The following LYNX1 variants were observed in gnomAD, a reference collection of about 807,000 sequenced individuals.
LYNX1 encodes Ly6/neurotoxin 1.
In LYNX1, 8 loss-of-function variants were observed where a neutral mutation model predicts 8.3. That is an observed-to-expected ratio of 0.97 (90% CI 0.57 to 1.74). LYNX1 has a LOEUF of 1.74. Among genes scored for constraint, LYNX1 ranks in the 40% most tolerant of loss-of-function variants. LYNX1 has a pLI of 0.00. For missense variants in LYNX1, 158 were observed against 159.7 expected (o/e 0.99, Z 0.06); for synonymous variants, 73 against 67.9 (o/e 1.08, Z -0.37).
rs1288919654 is a variant in LYNX1, at chr8:142,771,408, C to A, written c.*3759G>T. Reference sequence around the variant, plus strand: ...CCAGACCAGCATTCCCATTTCACCACCCCTTACTCCTCAAGATGCAAATGA... The same window carrying A: ...CCAGACCAGCATTCCCATTTCACCAACCCTTACTCCTCAAGATGCAAATGA... On this transcript the variant is annotated 3_prime_UTR_variant, in exon 4 of 4. Coordinates refer to ENST00000652477, the MANE Select transcript of LYNX1 (RefSeq NM_177477.4). 3.0e-6 allele frequency: 3 copies of A among 985,492 alleles called. No homozygotes were observed. Among genetic ancestry groups the A allele is most frequent in the Non-Finnish European group, 2.4e-6 (2 of 829,976 alleles). The allele number at this position is 985,492 out of a possible 1,614,324, so 61.0% of individuals were successfully genotyped here.
Position 142,774,486 on chromosome 8 carries a change from T to A in LYNX1, c.*681A>T. 6.1e-6 allele frequency: 6 copies of A among 985,312 alleles called. No individual in the cohort carries two copies. The highest frequency in any genetic ancestry group is 7.2e-6 in the Non-Finnish European group (6 of 830,018). 61.0% of individuals were successfully genotyped at this position (985,312 alleles called of 1,614,324 possible). A position where few individuals can be genotyped will look rare whatever the true frequency, so the allele number is the denominator to read the frequency against. ...TGAGGGGGTGGGAAACGTCAAGGGG[T>A]TTGACTGAGAGGACACACACCCCTT... On this transcript the variant is annotated 3_prime_UTR_variant, in exon 4 of 4. Transcript: ENST00000652477.
At position 142,775,023 on chromosome 8, in the gene LYNX1, G is replaced by A. The variant is rs972238686; in HGVS notation, c.*144C>T. 2.7e-5 allele frequency: 39 copies of A among 1,442,246 alleles called. No individual in the cohort carries two copies. The highest frequency in any genetic ancestry group is 2.9e-5 in the Non-Finnish European group (32 of 1,101,640). The allele number at this position is 1,442,246 out of a possible 1,614,324, so 89.3% of individuals were successfully genotyped here. ...TCGTGTGGTGGTTGGGGGAGGTCGGGTGTCTTCTTGCCCACAGTCCTGACC... is the reference window on the plus strand; with the variant it reads ...TCGTGTGGTGGTTGGGGGAGGTCGGATGTCTTCTTGCCCACAGTCCTGACC... On this transcript the variant is annotated 3_prime_UTR_variant, in exon 4 of 4. Coordinates refer to ENST00000652477, the MANE Select transcript of LYNX1 (RefSeq NM_177477.4).
rs1815400092 is a variant in LYNX1, at chr8:142,775,840, C to T, written c.52+66G>A. On this transcript the variant is annotated intron_variant, in intron 2 of 3. Coordinates refer to ENST00000652477, the MANE Select transcript of LYNX1 (RefSeq NM_177477.4). ...TGTCGCTGGGAATTCTAGCCTCCTT[C>T]CCTACTGTCAGCCCATCTGCCCTCA... 4 of 1,602,110 alleles carry T rather than the reference C, an allele frequency of 2.5e-6. No individual in the cohort carries two copies. In the South Asian group the frequency reaches 4.4e-5, roughly 18 times the overall value.
chr8:142,774,149 T>TCCCCA lies in LYNX1; in HGVS notation c.*1013_*1017dup. On this transcript the variant is annotated 3_prime_UTR_variant, in exon 4 of 4. Coordinates refer to ENST00000652477, the MANE Select transcript of LYNX1 (RefSeq NM_177477.4). ...CGGGGGAGGGGCTGGGTCTCCGCCC[T>TCCCCA]CCCCACCCCACCCTCCCCACTCCCG... 3 of 725,214 alleles carry TCCCCA rather than the reference T, an allele frequency of 4.1e-6. No individual in the cohort carries two copies. The highest frequency in any genetic ancestry group is 4.9e-6 in the Non-Finnish European group (3 of 608,418). The allele number at this position is 725,214 out of a possible 1,614,324, so 44.9% of individuals were successfully genotyped here.
At position 142,771,462 on chromosome 8, in the gene LYNX1, G is replaced by A. The variant is rs971761811; in HGVS notation, c.*3705C>T. ...TCAGGGCTGGGCGGAAGCTGGCAGGGCTGTCCACAGGGAGGACCCCCGTGT... is the reference window on the plus strand; with the variant it reads ...TCAGGGCTGGGCGGAAGCTGGCAGGACTGTCCACAGGGAGGACCCCCGTGT... On this transcript the variant is annotated 3_prime_UTR_variant, in exon 4 of 4. Transcript: ENST00000652477. 2 of 985,408 alleles carry A rather than the reference G, an allele frequency of 2.0e-6. No individual in the cohort carries two copies. Among genetic ancestry groups the A allele is most frequent in the Non-Finnish European group, 2.4e-6 (2 of 829,950 alleles). 61.0% of individuals were successfully genotyped at this position (985,408 alleles called of 1,614,324 possible). A position where few individuals can be genotyped will look rare whatever the true frequency, so the allele number is the denominator to read the frequency against.
chr8:142,773,835 AC>A lies in LYNX1; in HGVS notation c.*1331del. 1.0e-6 allele frequency: 1 copy of A among 985,316 alleles called. No individual in the cohort carries two copies. Among genetic ancestry groups the A allele is most frequent in the Non-Finnish European group, 1.2e-6 (1 of 829,894 alleles). The allele number at this position is 985,316 out of a possible 1,614,324, so 61.0% of individuals were successfully genotyped here. The stretch of plus-strand genomic sequence containing the variant: ...GATGGCTTGAAGGGTTTCTCAGGAC[AC>A]CAGAGCTGGGAGCACTGGTCAGGTG... On this transcript the variant is annotated 3_prime_UTR_variant, in exon 4 of 4. Transcript: ENST00000652477.
chr8:142,774,590 G>T lies in LYNX1; in HGVS notation c.*577C>A. On this transcript the variant is annotated 3_prime_UTR_variant, in exon 4 of 4. Transcript: ENST00000652477. ...AGAGCCGCCCCCTCCCCTGCAGGGG[G>T]TGGCTCCAACTCGGGCCTGGCAGAC... The T allele has an allele frequency of 1.0e-6, 1 of 985,948 alleles. No homozygotes were observed. The highest frequency in any genetic ancestry group is 1.2e-6 in the Non-Finnish European group (1 of 830,342). 61.1% of individuals were successfully genotyped at this position (985,948 alleles called of 1,614,324 possible). A position where few individuals can be genotyped will look rare whatever the true frequency, so the allele number is the denominator to read the frequency against.
At position 142,774,880 on chromosome 8, in the gene LYNX1, C is replaced by T; in HGVS notation, c.*287G>A. On this transcript the variant is annotated 3_prime_UTR_variant, in exon 4 of 4. Transcript: ENST00000652477. ...GCTCCCATCTGCTCAGTGCTCCCTGCCTGACTGGGCCCCTCCCCATAAATA... is the reference window on the plus strand; with the variant it reads ...GCTCCCATCTGCTCAGTGCTCCCTGTCTGACTGGGCCCCTCCCCATAAATA... 7.5e-7 allele frequency: 1 copy of T among 1,331,524 alleles called. No individual in the cohort carries two copies. The allele number at this position is 1,331,524 out of a possible 1,614,324, so 82.5% of individuals were successfully genotyped here. A position where few individuals can be genotyped will look rare whatever the true frequency, so the allele number is the denominator to read the frequency against.
Position 142,774,148 on chromosome 8 carries a change from C to CGA in LYNX1, c.*1018_*1019insTC. On this transcript the variant is annotated 3_prime_UTR_variant, in exon 4 of 4. Coordinates refer to ENST00000652477, the MANE Select transcript of LYNX1 (RefSeq NM_177477.4). ...GCGGGGGAGGGGCTGGGTCTCCGCC[C>CGA]TCCCCACCCCACCCTCCCCACTCCC... is the stretch of plus-strand genomic sequence containing the variant. The CGA allele has an allele frequency of 7.2e-6, 7 of 972,140 alleles. No homozygotes were observed. The highest frequency in any genetic ancestry group is 8.6e-6 in the Non-Finnish European group (7 of 818,710). The allele number at this position is 972,140 out of a possible 1,614,324, so 60.2% of individuals were successfully genotyped here. A position where few individuals can be genotyped will look rare whatever the true frequency, so the allele number is the denominator to read the frequency against.
In LYNX1 at chr8:142,775,045, G is replaced by C; in HGVS notation, c.*122C>G. On this transcript the variant is annotated 3_prime_UTR_variant, in exon 4 of 4. Transcript: ENST00000652477. ...CGGGTGTCTTCTTGCCCACAGTCCT[G>C]ACCCTGGGCATGGCTGAGGAGGTCG... 6.8e-7 allele frequency: 1 copy of C among 1,475,544 alleles called. No individual in the cohort carries two copies. Among genetic ancestry groups the C allele is most frequent in the Admixed American group, 2.2e-5 (1 of 44,864 alleles). 91.4% of individuals were successfully genotyped at this position (1,475,544 alleles called of 1,614,324 possible). A position where few individuals can be genotyped will look rare whatever the true frequency, so the allele number is the denominator to read the frequency against.
At position 142,774,431 on chromosome 8, in the gene LYNX1, C is replaced by T. The variant is rs191648343; in HGVS notation, c.*736G>A. 2 of 985,932 alleles carry T rather than the reference C, an allele frequency of 2.0e-6. No homozygotes were observed. Among genetic ancestry groups the T allele is most frequent in the South Asian group, 4.7e-5 (1 of 21,298 alleles). The allele number at this position is 985,932 out of a possible 1,614,324, so 61.1% of individuals were successfully genotyped here. ...ACCAAATATAGCATGGCCCTAGCTC[C>T]TGCCAGCTTCAGGCCTGGTGCCCTC... On this transcript the variant is annotated 3_prime_UTR_variant, in exon 4 of 4. Coordinates refer to ENST00000652477, the MANE Select transcript of LYNX1 (RefSeq NM_177477.4).
Position 142,774,794 on chromosome 8 carries a change from C to T in LYNX1, c.*373G>A, listed in dbSNP as rs969557135. 18 of 1,100,372 alleles carry T rather than the reference C, an allele frequency of 1.6e-5. No homozygotes were observed. Among genetic ancestry groups the T allele is most frequent in the Non-Finnish European group, 1.9e-5 (17 of 902,266 alleles). 68.2% of individuals were successfully genotyped at this position (1,100,372 alleles called of 1,614,324 possible). A position where few individuals can be genotyped will look rare whatever the true frequency, so the allele number is the denominator to read the frequency against. On this transcript the variant is annotated 3_prime_UTR_variant, in exon 4 of 4. Coordinates refer to ENST00000652477, the MANE Select transcript of LYNX1 (RefSeq NM_177477.4). ...CTTGTCTTCCCCCTGCCCCAGCACA[C>T]CAGGGGCAGACTGAGGCAGGGGCCT... is the stretch of plus-strand genomic sequence containing the variant.
rs1475607151 is a variant in LYNX1 at position 142,774,500 on chromosome 8, C to T, written c.*667G>A. ...ACGTCAAGGGGTTTGACTGAGAGGACACACACCCCTTGCTGGACCCGAAAA... is the reference window on the plus strand; with the variant it reads ...ACGTCAAGGGGTTTGACTGAGAGGATACACACCCCTTGCTGGACCCGAAAA... On this transcript the variant is annotated 3_prime_UTR_variant, in exon 4 of 4. Coordinates refer to ENST00000652477, the MANE Select transcript of LYNX1 (RefSeq NM_177477.4). 1.1e-5 allele frequency: 11 copies of T among 985,682 alleles called. No homozygotes were observed. Among genetic ancestry groups the T allele is most frequent in the Non-Finnish European group, 1.3e-5 (11 of 830,214 alleles). The allele number at this position is 985,682 out of a possible 1,614,324, so 61.1% of individuals were successfully genotyped here.
Position 142,774,769 on chromosome 8 carries a change from C to G in LYNX1, c.*398G>C. ...CCCACCACCCCACCTGCGGGCATTC[C>G]TTGTCTTCCCCCTGCCCCAGCACAC... is the stretch of plus-strand genomic sequence containing the variant. On this transcript the variant is annotated 3_prime_UTR_variant, in exon 4 of 4. Coordinates refer to ENST00000652477, the MANE Select transcript of LYNX1 (RefSeq NM_177477.4). The G allele has an allele frequency of 9.4e-7, 1 of 1,058,804 alleles. No homozygotes were observed. The highest frequency in any genetic ancestry group is 3.9e-5 in the South Asian group (1 of 25,956). 65.6% of individuals were successfully genotyped at this position (1,058,804 alleles called of 1,614,324 possible).
chr8:142,774,148 C>CGGGG lies in LYNX1; in HGVS notation c.*1018_*1019insCCCC. 1.4e-5 allele frequency: 14 copies of CGGGG among 971,954 alleles called. No homozygotes were observed. The highest frequency in any genetic ancestry group is 1.6e-5 in the Non-Finnish European group (13 of 818,538). The allele number at this position is 971,954 out of a possible 1,614,324, so 60.2% of individuals were successfully genotyped here. On this transcript the variant is annotated 3_prime_UTR_variant, in exon 4 of 4. Coordinates refer to ENST00000652477, the MANE Select transcript of LYNX1 (RefSeq NM_177477.4). Reference sequence around the variant, plus strand: ...GCGGGGGAGGGGCTGGGTCTCCGCCCTCCCCACCCCACCCTCCCCACTCCC... The same window carrying CGGGG: ...GCGGGGGAGGGGCTGGGTCTCCGCCCGGGGTCCCCACCCCACCCTCCCCACTCCC...
At position 142,774,495 on chromosome 8, in the gene LYNX1, G is replaced by C; in HGVS notation, c.*672C>G. 2 of 985,724 alleles carry C rather than the reference G, an allele frequency of 2.0e-6. No individual in the cohort carries two copies. The highest frequency in any genetic ancestry group is 2.4e-6 in the Non-Finnish European group (2 of 830,144). 61.1% of individuals were successfully genotyped at this position (985,724 alleles called of 1,614,324 possible). A position where few individuals can be genotyped will look rare whatever the true frequency, so the allele number is the denominator to read the frequency against. ...GGGAAACGTCAAGGGGTTTGACTGA[G>C]AGGACACACACCCCTTGCTGGACCC... On this transcript the variant is annotated 3_prime_UTR_variant, in exon 4 of 4. Transcript: ENST00000652477.
At position 142,771,993 on chromosome 8, in the gene LYNX1, C is replaced by T. The variant is rs941612164; in HGVS notation, c.*3174G>A. On this transcript the variant is annotated 3_prime_UTR_variant, in exon 4 of 4. Coordinates refer to ENST00000652477, the MANE Select transcript of LYNX1 (RefSeq NM_177477.4). The stretch of plus-strand genomic sequence containing the variant: ...CTTCTCTAGTGGCTGATTGCAGTTC[C>T]CAGAATGTATAACATCCCAGGGTGC... The T allele has an allele frequency of 3.0e-6, 3 of 985,946 alleles. No homozygotes were observed. The African/African-American group carries it at 5.2e-5, about 17-fold the overall frequency. 61.1% of individuals were successfully genotyped at this position (985,946 alleles called of 1,614,324 possible).
intron 2 of LYNX1, 80 bp from the exon 3 acceptor site, chr8:142,775,774 G>C: frequency 1.3e-6 from 2 of 1,533,976 alleles, no homozygotes; most frequent in Middle Eastern, 3.4e-4. Context: ...CAGGCCCCCA[G>C]CCCGTCACCT....
Position 142,774,189 on chromosome 8 carries a change from C to G in LYNX1, c.*978G>C, listed in dbSNP as rs1369513074. 6.1e-6 allele frequency: 6 copies of G among 983,968 alleles called. No individual in the cohort carries two copies. The African/African-American group carries it at 1.1e-4, about 17-fold the overall frequency. 61.0% of individuals were successfully genotyped at this position (983,968 alleles called of 1,614,324 possible). A position where few individuals can be genotyped will look rare whatever the true frequency, so the allele number is the denominator to read the frequency against. ...CCCCACTCCCGCCCCCGCACGGCCACGAGAGGGTGGCATGCTCCGCCTTCC... is the reference window on the plus strand; with the variant it reads ...CCCCACTCCCGCCCCCGCACGGCCAGGAGAGGGTGGCATGCTCCGCCTTCC... On this transcript the variant is annotated 3_prime_UTR_variant, in exon 4 of 4. Transcript: ENST00000652477.
Sources: allele counts gnomAD v4.1 joint callset, GRCh38; gene constraint gnomAD v4.1.1; transcripts MANE v1.5; gene names NCBI Gene and HGNC (gene_info 2026-07-23, HGNC 2026-07-21).